MYH13: variants seen among roughly 807,000 people sequenced by gnomAD.
MYH13 encodes the protein myosin-13.
A neutral mutation model predicts 232.1 loss-of-function variants in MYH13; 177 were observed. The ratio of observed to expected loss-of-function variants is 0.76; its 90% CI spans 0.67 to 0.86. The LOEUF (loss-of-function observed/expected upper bound fraction) is 0.86, where lower values mean the gene tolerates loss of function less well. MYH13 is among the 40% of genes least tolerant of loss of function. The probability of loss-of-function intolerance (pLI) is 0.00; values close to 1 mark genes in which losing one functional copy is unlikely to be tolerated. For missense variants in MYH13, 2,246 were observed against 2,405.9 expected, an observed-to-expected ratio of 0.93 and a Z score of 1.39; for synonymous variants, 884 against 923.5, an observed-to-expected ratio of 0.96 and a Z score of 0.78.
At chr17:10,366,638 C>T (rs1216349538) in intron 2 of MYH13, among the ~76,000 whole-genome samples, 2 of 152,108 alleles carry the variant, frequency 1.3e-5, no homozygotes, top group Non-Finnish European at 2.9e-5. Flanking sequence ...ACCTTGGCCT[C>T]CCAAAGTGCT....
chr17:10,312,769 A>G lies in MYH13; in HGVS notation c.4182-12T>C. 6.3e-7 allele frequency: 1 copy of G among 1,597,588 alleles called. No homozygotes were observed. The highest frequency in any genetic ancestry group is 1.1e-5 in the South Asian group (1 of 87,310). On this transcript the variant is annotated splice_polypyrimidine_tract_variant and intron_variant, in intron 30 of 40. Coordinates refer to ENST00000252172, the MANE Select transcript of MYH13 (RefSeq NM_003802.3). ...GGGCCAGTTTTTTCCTACGAAAACC[A>G]GATTTTTTTTTTCCCCTTCGCAAAG...
chr17:10,312,924 CA>C (rs1906562834), intron 30 of MYH13, among the ~76,000 whole-genome samples, 167 bp from the exon 31 acceptor site: 1 of 151,816 alleles, frequency 6.6e-6, no homozygotes. Flanking sequence ...GAGAGATTCT[CA>C]AAATGCTTGG....
At chr17:10,367,177 C>T (rs562978637) in intron 2 of MYH13, among the ~76,000 whole-genome samples, 73 of 152,340 alleles carry the variant, frequency 4.8e-4, no homozygotes, top group Middle Eastern at 3.4e-3. Context: ...TTTGTGGTTT[C>T]AGGACGCCTT....
chr17:10,344,223 T>G, intron 15 of MYH13, 114 bp from the exon 16 acceptor site: 1 of 1,449,430 alleles, frequency 6.9e-7, no homozygotes. Context: ...AATGCTGGCA[T>G]GTACGCTCGG....
chr17:10,311,099 T>G lies in MYH13; in HGVS notation c.4656+4A>C. ...TTTCTGAATGTCATATCCTAGACAC[T>G]TACCTCCACTTCTTCTAAGGCGACC... On this transcript the variant is annotated splice_donor_region_variant and intron_variant, in intron 33 of 40. Transcript: ENST00000252172. 1.9e-6 allele frequency: 3 copies of G among 1,613,922 alleles called. No homozygotes were observed. The highest frequency in any genetic ancestry group is 2.5e-6 in the Non-Finnish European group (3 of 1,179,836).
In MYH13 at chr17:10,320,441, T is replaced by C. The variant is rs201618576; in HGVS notation, c.3167A>G (p.Lys1056Arg). ...TTTCAGATCTCCTTCCAGCTTCCTC[T>C]TCGCCCTTTCCAAGTCCGCCCGCAG... ...KKLRADLERA[K>R]RKLEGDLKMS... The change falls in exon 25 of 41, where the codon AAG becomes AGG. Residue 1056 changes from lysine (K) to arginine (R), a missense_variant. Physicochemically the swap from Lys to Arg is conservative, Grantham distance 26. Coordinates refer to ENST00000252172, the MANE Select transcript of MYH13 (RefSeq NM_003802.3). The C allele has an allele frequency of 9.7e-5, 157 of 1,613,626 alleles. No individual in the cohort carries two copies. The African/African-American group carries it at 1.7e-3, about 18-fold the overall frequency.
At position 10,333,108 on chromosome 17, in the gene MYH13, G is replaced by T; in HGVS notation, c.2140C>A (p.Pro714Thr). The change falls in exon 19 of 41, where the codon CCC (proline) becomes ACC (threonine). Residue 714 changes from proline (P) to threonine (T), a missense_variant. Coordinates refer to ENST00000252172, the MANE Select transcript of MYH13 (RefSeq NM_003802.3). Reference sequence around the variant, plus strand: ...AAGTCAGCATAGAGGATCCGGCTGGGGAATCCCTTCCTGCAAATCCGGATG... The same window carrying T: ...AAGTCAGCATAGAGGATCCGGCTGGTGAATCCCTTCCTGCAAATCCGGATG... ...EGIRICRKGFPSRILYADFKQ... is the reference protein window; with the variant it reads ...EGIRICRKGFTSRILYADFKQ... 2 of 1,551,730 alleles carry T rather than the reference G, an allele frequency of 1.3e-6. No individual in the cohort carries two copies. Among genetic ancestry groups the T allele is most frequent in the South Asian group, 2.4e-5 (2 of 84,062 alleles).
intron 21 of MYH13, 103 bp from the exon 22 acceptor site, chr17:10,328,224 G>T: frequency 7.2e-7 from 1 of 1,393,640 alleles, no homozygotes; most frequent in South Asian, 1.3e-5. Context: ...TCTCGGTTAG[G>T]TGGGAAGGAG....
intron 16 of MYH13, among the ~76,000 whole-genome samples, chr17:10,342,078 C>A (rs2071623161): frequency 6.6e-6 from 1 of 152,126 alleles, no homozygotes; most frequent in Non-Finnish European, 1.5e-5. Flanking sequence ...TAGGGTCTCA[C>A]TCTGTCATCC....
At chr17:10,310,609 A>G (rs1318552720) in intron 33 of MYH13, among the ~76,000 whole-genome samples, 1 of 152,152 alleles carries the variant, frequency 6.6e-6, no homozygotes, top group African/African-American at 2.4e-5. Flanking sequence ...GTGACCATAA[A>G]TCAGGAGTCA....
chr17:10,320,547 C>T (rs759125156), intron 24 of MYH13, 51 bp from the exon 25 acceptor site: 45 of 1,570,398 alleles, frequency 2.9e-5, no homozygotes, highest in Non-Finnish European at 3.8e-5. Context: ...GAAGTGTTTG[C>T]CCCGTTTATC....
intron 40 of MYH13, 79 bp downstream of exon 40, chr17:10,301,490 C>G: frequency 6.3e-7 from 1 of 1,582,892 alleles, no homozygotes; most frequent in Non-Finnish European, 8.6e-7. Context: ...CTCCCACACT[C>G]AGGCATTCGC....
At chr17:10,351,696 G>A (rs933163884) in intron 11 of MYH13, among the ~76,000 whole-genome samples, 1 of 152,118 alleles carries the variant, frequency 6.6e-6, no homozygotes, top group Non-Finnish European at 1.5e-5. Context: ...TTAGGTCTTG[G>A]TCCCTTCAAA....
chr17:10,323,656 G>T (rs1219818776), intron 23 of MYH13, among the ~76,000 whole-genome samples: 1 of 151,408 alleles, frequency 6.6e-6, no homozygotes, highest in Non-Finnish European at 1.5e-5. Context: ...CTACTTGGGA[G>T]GCTGAGGCAG....
At chr17:10,355,435 A>G (rs953598950) in intron 8 of MYH13, among the ~76,000 whole-genome samples, 2 of 152,216 alleles carry the variant, frequency 1.3e-5, no homozygotes, top group East Asian at 3.9e-4. Flanking sequence ...GCTCACTAAC[A>G]TGTCTCTCAG....
chr17:10,338,689 G>GTTTTTTTTTTTTTT (rs757791680), intron 18 of MYH13, among the ~76,000 whole-genome samples: 370 of 108,684 alleles, frequency 3.4e-3, no homozygotes, highest in Non-Finnish European at 5.8e-3. Flanking sequence ...TTTTATCCTT[G>GTTTTTTTTTTTTTT]TTTTTTTTTT....
At chr17:10,330,331 CA>C in intron 21 of MYH13, 55 bp downstream of exon 21, 6 of 1,594,740 alleles carry the variant, frequency 3.8e-6, no homozygotes, top group Middle Eastern at 1.7e-4. Context: ...CAGGAAGTGA[CA>C]ATCAGCTGCT....
At chr17:10,363,776 G>A (rs1167134802) in intron 3 of MYH13, among the ~76,000 whole-genome samples, 4 of 152,170 alleles carry the variant, frequency 2.6e-5, no homozygotes, top group African/African-American at 9.7e-5. Context: ...AAAAATAAAA[G>A]CAAGGTCTCT....
chr17:10,362,365 T>A lies in MYH13; in HGVS notation c.343A>T (p.Ile115Phe), dbSNP rs761158793. Residue 115 changes from isoleucine to phenylalanine, a missense_variant, in exon 4 of 41, where the codon ATC (isoleucine) becomes TTC (phenylalanine). Physicochemically the swap from Ile to Phe is conservative, Grantham distance 21. Transcript: ENST00000252172. ...NLKERYAAWM[I>F]YTYSGLFCVT... ...AGGTGTTTACAGACACTCACGTAGATCATCCAGGCTGCATAGCGCTCTTTG... is the reference window on the plus strand; with the variant it reads ...AGGTGTTTACAGACACTCACGTAGAACATCCAGGCTGCATAGCGCTCTTTG... 7 of 1,614,168 alleles carry A rather than the reference T, an allele frequency of 4.3e-6. No homozygotes were observed. In the Admixed American group the frequency reaches 8.3e-5, roughly 19 times the overall value.
Sources: allele counts gnomAD v4.1 joint callset (sites outside exome capture counted in the v4.1 genomes callset), GRCh38; gene constraint gnomAD v4.1.1; transcripts MANE v1.5; gene names NCBI Gene and HGNC (gene_info 2026-07-23, HGNC 2026-07-21).